The following UBXN7 variants were observed in gnomAD, a reference collection of about 807,000 sequenced individuals.
The protein encoded by UBXN7 is UBX domain-containing protein 7.
Under a neutral mutation model 58.0 loss-of-function variants are expected in UBXN7, and 9 were observed. The ratio of observed to expected loss-of-function variants is 0.16; its 90% CI spans 0.09 to 0.27. The LOEUF is 0.27. Ranked by LOEUF, UBXN7 falls within the 10% of genes least tolerant of loss-of-function variation. The pLI, the probability that UBXN7 is intolerant of heterozygous loss-of-function variation, is 1.00. For missense variants in UBXN7, 328 were observed against 599.6 expected (o/e 0.55, Z 4.73); for synonymous variants, 208 against 205.0 (o/e 1.01, Z -0.12).
chr3:196,422,137 C>T (rs367561981), intron 1 of UBXN7, among the ~76,000 whole-genome samples: 2 of 151,118 alleles, frequency 1.3e-5, no homozygotes, highest in African/African-American at 4.9e-5. Flanking sequence ...GAGACAGAGG[C>T]TGCAATAAAT....
chr3:196,363,320 T>C (rs1172915316), intron 8 of UBXN7, among the ~76,000 whole-genome samples: 2 of 151,924 alleles, frequency 1.3e-5, no homozygotes, highest in African/African-American at 4.8e-5. Context: ...CCCAGGCTGG[T>C]CTTGCACTTC....
At chr3:196,394,570 T>G (rs1377471880) in intron 3 of UBXN7, among the ~76,000 whole-genome samples, 2 of 150,608 alleles carry the variant, frequency 1.3e-5, no homozygotes, top group African/African-American at 4.9e-5. Context: ...GCCACTGCAC[T>G]CCAGCCTGGG....
chr3:196,414,825 T>C (rs996327731), intron 1 of UBXN7: 1 of 152,216 alleles, frequency 6.6e-6, no homozygotes, highest in Non-Finnish European at 1.5e-5. Flanking sequence ...ACATTCTTCC[T>C]AAGTTCTCAG....
At chr3:196,415,482 T>C (rs1293133621) in intron 1 of UBXN7, among the ~76,000 whole-genome samples, 1 of 145,410 alleles carries the variant, frequency 6.9e-6, no homozygotes, top group Non-Finnish European at 1.5e-5. Flanking sequence ...TGCTGGACTA[T>C]ACAAGTTCAG....
In UBXN7 at chr3:196,419,124, G is replaced by A. The variant is rs180982200; in HGVS notation, c.74-11731C>T. ...CTACTAAAAATAACCAAAATTAGCT[G>A]GGCCTGGTGGCGGGCGTCCACCTAC... is the stretch of plus-strand genomic sequence containing the variant. On this transcript the variant is annotated intron_variant, in intron 1 of 10. Coordinates refer to ENST00000296328, the MANE Select transcript of UBXN7 (RefSeq NM_015562.2). 8.3e-3 allele frequency among the ~76,000 whole-genome samples: 1,257 copies of A among 152,008 alleles called. 15 individuals carry two copies. The highest frequency in any genetic ancestry group is 0.029 in the African/African-American group (1,219 of 41,454).
chr3:196,363,244 ATAC>A (rs1288098321), intron 8 of UBXN7, among the ~76,000 whole-genome samples: 12 of 67,932 alleles, frequency 1.8e-4, no homozygotes, highest in Non-Finnish European at 3.3e-4. Flanking sequence ...ACATACATAC[ATAC>A]ATAAATATAT....
chr3:196,405,883 G>A (rs949078597), intron 2 of UBXN7, among the ~76,000 whole-genome samples: 5 of 152,122 alleles, frequency 3.3e-5, no homozygotes, highest in African/African-American at 1.2e-4. Flanking sequence ...CAATTCATTA[G>A]GAAAAGATAT....
chr3:196,371,319 C>T (rs532396077), intron 6 of UBXN7, among the ~76,000 whole-genome samples: 2 of 152,086 alleles, frequency 1.3e-5, no homozygotes, highest in Non-Finnish European at 2.9e-5. Context: ...AAATGCAGAT[C>T]ATCTCATTAT....
chr3:196,367,121 T>C (rs1728692846), intron 8 of UBXN7, among the ~76,000 whole-genome samples: 1 of 151,642 alleles, frequency 6.6e-6, no homozygotes, highest in South Asian at 2.1e-4. Context: ...AGGCGAAGGT[T>C]GCAGTGAGCC....
rs1408066097 is a variant in UBXN7, at chr3:196,349,551, A to G, written c.*7134T>C. The G allele has an allele frequency of 2.0e-5, 3 of 152,220 alleles. No individual in the cohort carries two copies. The highest frequency in any genetic ancestry group is 7.2e-5 in the African/African-American group (3 of 41,456). The allele number at this position is 152,220 out of a possible 1,614,324, so 9.4% of individuals were successfully genotyped here. A position where few individuals can be genotyped will look rare whatever the true frequency, so the allele number is the denominator to read the frequency against. On this transcript the variant is annotated 3_prime_UTR_variant, in exon 11 of 11. Coordinates refer to ENST00000296328, the MANE Select transcript of UBXN7 (RefSeq NM_015562.2). The stretch of plus-strand genomic sequence containing the variant: ...ATCATGTTGCTGCAAACAGCAAGGC[A>G]TCCAGCTGAGTGTAAGCAGTCTAAT...
At chr3:196,429,901 GA>G (rs1453165534) in intron 1 of UBXN7, among the ~76,000 whole-genome samples, 1 of 152,156 alleles carries the variant, frequency 6.6e-6, no homozygotes, top group Non-Finnish European at 1.5e-5. Flanking sequence ...TAGACGAACA[GA>G]AACAGAATTA....
intron 8 of UBXN7, among the ~76,000 whole-genome samples, chr3:196,366,529 T>A (rs573171895): frequency 1.3e-5 from 2 of 151,806 alleles, no homozygotes; most frequent in Non-Finnish European, 2.9e-5. Context: ...GCCACTGCAG[T>A]CCAGCCTGGG....
chr3:196,362,220 C>A, intron 9 of UBXN7, 74 bp downstream of exon 9: 1 of 1,513,382 alleles, frequency 6.6e-7, no homozygotes, highest in South Asian at 1.3e-5. Context: ...TCTTGGAACT[C>A]CTAACCTCAG....
chr3:196,417,723 T>TAAAAA lies in UBXN7; in HGVS notation c.74-10331_74-10330insTTTTT, dbSNP rs1730541556. Among the ~76,000 whole-genome samples the TAAAAA allele has an allele frequency of 2.5e-5, 2 of 78,438 alleles. 1 individual carries two copies. The highest frequency in any genetic ancestry group is 1.0e-4 in the African/African-American group (2 of 19,198). 51.5% of individuals were successfully genotyped at this position (78,438 alleles called of 152,430 possible). A position where few individuals can be genotyped will look rare whatever the true frequency, so the allele number is the denominator to read the frequency against. On this transcript the variant is annotated intron_variant, in intron 1 of 10. Coordinates refer to ENST00000296328, the MANE Select transcript of UBXN7 (RefSeq NM_015562.2). ...TTTGAGACCAGTCTGGGCAAAATGG[T>TAAAAA]TAAAAAAAAAAAAAAAAAAAAAAAA...
intron 1 of UBXN7, chr3:196,431,953 G>T: frequency 4.7e-6 from 2 of 427,450 alleles, no homozygotes; most frequent in South Asian, 4.1e-5. Flanking sequence ...GCTGCACAGA[G>T]AAGGGAAGAT....
At chr3:196,393,472 T>G (rs1729646171) in intron 4 of UBXN7, 82 bp downstream of exon 4, 1 of 1,314,038 alleles carries the variant, frequency 7.6e-7, no homozygotes, top group African/African-American at 1.5e-5. Flanking sequence ...AACTTAAAAG[T>G]AATTGGGCCT....
intron 5 of UBXN7, among the ~76,000 whole-genome samples, chr3:196,373,580 T>C (rs1352990623): frequency 6.6e-6 from 1 of 151,516 alleles, no homozygotes; most frequent in East Asian, 1.9e-4. Context: ...GTAATAACAA[T>C]CCAAGAACAT....
intron 10 of UBXN7, among the ~76,000 whole-genome samples, chr3:196,359,183 T>A (rs1274000433): frequency 1.3e-5 from 2 of 152,206 alleles, no homozygotes; most frequent in African/African-American, 2.4e-5. Flanking sequence ...ATGCTTGCAG[T>A]TCATTATTTT....
chr3:196,399,863 G>C (rs1729904507), intron 3 of UBXN7: 2 of 151,660 alleles, frequency 1.3e-5, no homozygotes, highest in Non-Finnish European at 2.9e-5. Context: ...ACTCATCATT[G>C]TTTCTGAACT....
Sources: allele counts gnomAD v4.1 joint callset (sites outside exome capture counted in the v4.1 genomes callset), GRCh38; gene constraint gnomAD v4.1.1; transcripts MANE v1.5; gene names NCBI Gene and HGNC (gene_info 2026-07-23, HGNC 2026-07-21).